Variants in MYO9B observed in about 807,000 individuals in gnomAD.
MYO9B encodes myosin IXB, also known as unconventional myosin-IXb.
MYO9B carries 71 observed loss-of-function variants against 229.5 expected under a neutral mutation model. That is an observed-to-expected ratio of 0.31 (90% CI 0.26 to 0.38). The LOEUF is 0.38. Among genes scored for constraint, MYO9B ranks in the 10% least tolerant of loss-of-function variants. The pLI is 1.00. For synonymous variants in MYO9B, 1,185 were observed against 1,235.8 expected, an observed-to-expected ratio of 0.96 and a Z score of 0.86; for missense variants, 2,255 against 2,920.5, an observed-to-expected ratio of 0.77 and a Z score of 5.25.
At chr19:17,092,787 T>A (rs1339636322) in intron 1 of MYO9B, among the ~76,000 whole-genome samples, 1 of 151,372 alleles carries the variant, frequency 6.6e-6, no homozygotes, top group East Asian at 1.9e-4. Context: ...CTTGTATGCA[T>A]GTGCATGCAT....
intron 1 of MYO9B, among the ~76,000 whole-genome samples, chr19:17,098,246 G>T (rs574360473): frequency 1.3e-5 from 2 of 152,102 alleles, no homozygotes; most frequent in Non-Finnish European, 2.9e-5. Flanking sequence ...GTACAGACAG[G>T]GTTTCACCAT....
At chr19:17,156,767 C>A in intron 6 of MYO9B, 142 bp from the exon 7 acceptor site, 1 of 910,528 alleles carries the variant, frequency 1.1e-6, no homozygotes, top group Non-Finnish European at 1.7e-6. Context: ...CCATCCTCAA[C>A]AGAGGCCTTA....
intron 14 of MYO9B, among the ~76,000 whole-genome samples, chr19:17,179,409 C>T (rs549482193): frequency 2.0e-5 from 3 of 147,372 alleles, no homozygotes; most frequent in South Asian, 4.4e-4. Flanking sequence ...TTTTCTGAGT[C>T]GCCCCAACTG....
chr19:17,203,073 G>A (rs1229050662), intron 29 of MYO9B, 74 bp from the exon 30 acceptor site: 2 of 1,416,356 alleles, frequency 1.4e-6, no homozygotes, highest in Non-Finnish European at 1.9e-6. Flanking sequence ...AGATCCCATG[G>A]GTCGTCATCC....
intron 7 of MYO9B, 89 bp from the exon 8 acceptor site, chr19:17,159,306 G>C (rs2072572517): frequency 8.0e-7 from 1 of 1,254,268 alleles, no homozygotes; most frequent in Non-Finnish European, 1.1e-6. Context: ...GCTGCCTCAG[G>C]CTCCGGGCGT....
chr19:17,175,280 A>AC (rs57604270), intron 13 of MYO9B, among the ~76,000 whole-genome samples: 3 of 46,178 alleles, frequency 6.5e-5, no homozygotes, highest in African/African-American at 5.2e-4. Context: ...GTAAAAAATT[A>AC]AAAAAAAAAA....
At position 17,129,510 on chromosome 19, in the gene MYO9B, G is replaced by A. The variant is rs181990752; in HGVS notation, c.841-15887G>A. 2.0e-5 allele frequency among the ~76,000 whole-genome samples: 3 copies of A among 152,350 alleles called. No individual in the cohort carries two copies. The East Asian group carries it at 5.8e-4, about 29-fold the overall frequency. ...GGCTCCCAGAGGCCAAGACACCTGA[G>A]CTGTGGCTAAACGTAACCAAACGTG... On this transcript the variant is annotated intron_variant, in intron 2 of 39. Coordinates refer to ENST00000682292, the MANE Select transcript of MYO9B (RefSeq NM_004145.4).
chr19:17,133,552 G>C (rs368163482), intron 2 of MYO9B, among the ~76,000 whole-genome samples: 1 of 151,790 alleles, frequency 6.6e-6, no homozygotes, highest in African/African-American at 2.4e-5. Context: ...AACTTCCTGG[G>C]CCTAAGCGAT....
intron 1 of MYO9B, among the ~76,000 whole-genome samples, chr19:17,098,803 T>C (rs1323624969): frequency 2.0e-5 from 3 of 151,870 alleles, no homozygotes; most frequent in Admixed American, 6.6e-5. Flanking sequence ...TGCATCGTGG[T>C]GTGCACCTAT....
chr19:17,193,793 A>T lies in MYO9B; in HGVS notation c.3128+731A>T, dbSNP rs2073011494. Among the ~76,000 whole-genome samples the T allele has an allele frequency of 1.3e-5, 2 of 152,286 alleles. No individual in the cohort carries two copies. Among genetic ancestry groups the T allele is most frequent in the South Asian group, 4.1e-4 (2 of 4,830 alleles). ...TTCAGGAAGCTGAGGTGGGAGGATC[A>T]CCTGGGCCTGGGATGTCGAGGCTGC... On this transcript the variant is annotated intron_variant, in intron 21 of 39. Transcript: ENST00000682292. The surrounding 1 kb of genome is among the most constrained non-coding windows in gnomAD (Gnocchi z 4.3).
chr19:17,175,821 ATTCTT>A, intron 14 of MYO9B, 80 bp downstream of exon 14: 4 of 879,528 alleles, frequency 4.5e-6, no homozygotes, highest in Non-Finnish European at 6.6e-6. Flanking sequence ...GGAATGCTAC[ATTCTT>A]TTTTTTTTTT....
intron 1 of MYO9B, among the ~76,000 whole-genome samples, chr19:17,094,493 C>T (rs927784168): frequency 6.6e-6 from 1 of 152,200 alleles, no homozygotes; most frequent in Non-Finnish European, 1.5e-5. Context: ...GGCATCCCTC[C>T]CCACTCCACA....
intron 14 of MYO9B, among the ~76,000 whole-genome samples, chr19:17,177,133 G>T (rs1375489490): frequency 6.6e-6 from 1 of 152,002 alleles, no homozygotes; most frequent in Non-Finnish European, 1.5e-5. Context: ...CCTGGGAGAT[G>T]GAAGTTGCGG....
chr19:17,142,639 C>G (rs1001841899), intron 2 of MYO9B, among the ~76,000 whole-genome samples: 1 of 152,060 alleles, frequency 6.6e-6, no homozygotes, highest in Non-Finnish European at 1.5e-5. Context: ...CCTTCGCAGA[C>G]TAGATGGTAG....
At chr19:17,210,901 TG>T (rs1248460842) in intron 38 of MYO9B, 53 bp downstream of exon 38, 6 of 1,558,476 alleles carry the variant, frequency 3.8e-6, no homozygotes, top group Non-Finnish European at 5.2e-6. Context: ...CAAGCTGGAG[TG>T]CAGGTTCCAT....
rs146911889 is a variant in MYO9B, at chr19:17,102,497, C to T, written c.780C>T (p.Ser260=). Residue 260 remains serine (S), a synonymous_variant, in exon 2 of 40, where the codon AGC becomes AGT. Transcript: ENST00000682292. ...TCATCCACTGCCTCACCGCCCTCAG[C>T]CAGAAGGGCTACGCCAGCGGCGTCG... ...NFLIHCLTAL[S]QKGYASGVER... 71 of 1,613,440 alleles carry T rather than the reference C, an allele frequency of 4.4e-5. No homozygotes were observed. The East Asian group carries it at 1.5e-3, about 33-fold the overall frequency.
rs1405206494 is a variant in MYO9B at position 17,101,789 on chromosome 19, G to A, written c.72G>A (p.Gln24=). 1.3e-6 allele frequency: 2 copies of A among 1,598,110 alleles called. No individual in the cohort carries two copies. Among genetic ancestry groups the A allele is most frequent in the Non-Finnish European group, 1.7e-6 (2 of 1,176,168 alleles). The stretch of plus-strand genomic sequence containing the variant: ...CCTACCACCTGCACATCTACCCCCA[G>A]CTGTCCACCACCGAGAGCCAGGCCT... The part of the protein sequence containing the change: ...QAAYHLHIYP[Q]LSTTESQASC... Residue 24 remains glutamine, a synonymous_variant, in exon 2 of 40, where the codon CAG becomes CAA. Transcript: ENST00000682292. This position sits in a 1 kb window ranked among gnomAD's most constrained non-coding sequence, Gnocchi z 4.7.
intron 3 of MYO9B, among the ~76,000 whole-genome samples, chr19:17,149,402 C>T (rs957164986): frequency 3.3e-5 from 5 of 152,158 alleles, no homozygotes; most frequent in Admixed American, 1.3e-4. Context: ...TTAGCCTCCC[C>T]GACCTTCCCC....
intron 2 of MYO9B, among the ~76,000 whole-genome samples, chr19:17,120,723 G>A (rs1193677264): frequency 6.6e-6 from 1 of 152,040 alleles, no homozygotes; most frequent in African/African-American, 2.4e-5. Flanking sequence ...CAGTCCTCAT[G>A]GTGAGTATTG....
Sources: allele counts gnomAD v4.1 joint callset (sites outside exome capture counted in the v4.1 genomes callset), GRCh38; gene constraint gnomAD v4.1.1; non-coding constraint Gnocchi (gnomAD v3.1); transcripts MANE v1.5; gene names NCBI Gene and HGNC (gene_info 2026-07-23, HGNC 2026-07-21).